The following SEC23IP variants were observed in gnomAD, a reference collection of about 807,000 sequenced individuals.
SEC23IP encodes SEC23-interacting protein.
A neutral mutation model predicts 113.4 loss-of-function variants in SEC23IP; 70 were observed. The ratio of observed to expected loss-of-function variants is 0.62; its 90% confidence interval spans 0.51 to 0.75. The LOEUF is 0.75. SEC23IP is among the 30% of genes least tolerant of loss of function. The pLI is 0.00. For synonymous variants in SEC23IP, 398 were observed against 421.0 expected (o/e 0.95, Z 0.67); for missense variants, 1,160 against 1,204.9 (o/e 0.96, Z 0.55).
Position 119,917,379 on chromosome 10 carries a change from AT to A in SEC23IP, c.1545-440del, listed in dbSNP as rs199693190. On this transcript the variant is annotated intron_variant, in intron 8 of 18. Transcript: ENST00000369075. ...GACTTGTGGCTAACTTTTGATTTAA[AT>A]TTTTTTTTTTTTTTTTGAGGTGGAA... Among the ~76,000 whole-genome samples, 1,294 of 139,638 alleles carry A rather than the reference AT, an allele frequency of 9.3e-3. 28 individuals are homozygous for A. In the East Asian group the frequency reaches 0.11, roughly 12 times the overall value. 91.6% of individuals were successfully genotyped at this position (139,638 alleles called of 152,430 possible). A position where few individuals can be genotyped will look rare whatever the true frequency, so the allele number is the denominator to read the frequency against.
At chr10:119,894,257 A>G (rs1028945025) in intron 1 of SEC23IP, among the ~76,000 whole-genome samples, 9 of 152,174 alleles carry the variant, frequency 5.9e-5, no homozygotes, top group Non-Finnish European at 1.3e-4. Flanking sequence ...CCAGGATCTT[A>G]TTTAGGGCCT....
intron 4 of SEC23IP, among the ~76,000 whole-genome samples, chr10:119,905,136 G>GAA (rs66718927): frequency 7.1e-6 from 1 of 140,330 alleles, no homozygotes; most frequent in Admixed American, 7.1e-5. Flanking sequence ...CCCTTCCTCA[G>GAA]AAAAAAAAAA....
chr10:119,904,282 G>A lies in SEC23IP; in HGVS notation c.1101+5G>A. On this transcript the variant is annotated splice_donor_5th_base_variant and intron_variant, in intron 4 of 18. Transcript: ENST00000369075. ...GAGTTCAGTGAAAAACTAGAGGTAC[G>A]GGTGCTTTATTTCTTTATGAGTTTC... 5 of 1,613,198 alleles carry A rather than the reference G, an allele frequency of 3.1e-6. No individual in the cohort carries two copies. Among genetic ancestry groups the A allele is most frequent in the Non-Finnish European group, 4.2e-6 (5 of 1,179,220 alleles).
chr10:119,910,975 A>G (rs2475299), intron 5 of SEC23IP, among the ~76,000 whole-genome samples: 107,855 of 150,684 alleles, frequency 0.72, 38,783 homozygotes, highest in East Asian at 0.82. Context: ...GTGAGCCAAC[A>G]CGCTTGGCTA....
At chr10:119,928,794 C>A (rs1339498107) in intron 13 of SEC23IP, among the ~76,000 whole-genome samples, 1 of 152,222 alleles carries the variant, frequency 6.6e-6, no homozygotes, top group African/African-American at 2.4e-5. Flanking sequence ...GTAAGCTACT[C>A]AAAATGTGCT....
At chr10:119,924,726 T>C (rs1234432519) in intron 12 of SEC23IP, among the ~76,000 whole-genome samples, 1 of 151,804 alleles carries the variant, frequency 6.6e-6, no homozygotes, top group African/African-American at 2.4e-5. Flanking sequence ...ATAACACCTT[T>C]TATATAGATG....
intron 8 of SEC23IP, among the ~76,000 whole-genome samples, chr10:119,917,097 G>C (rs903215010): frequency 6.6e-6 from 1 of 152,118 alleles, no homozygotes; most frequent in Non-Finnish European, 1.5e-5. Flanking sequence ...TTGATCTCCC[G>C]GGCTCAAGCG....
chr10:119,941,742 G>T lies in SEC23IP; in HGVS notation c.*1177G>T, dbSNP rs1254742373. Reference sequence around the variant, plus strand: ...TGCATTTTTTAAGCAGCAAACTTATGTATTTCTCTTGTCTTCCTTAAAAGT... The same window carrying T: ...TGCATTTTTTAAGCAGCAAACTTATTTATTTCTCTTGTCTTCCTTAAAAGT... On this transcript the variant is annotated 3_prime_UTR_variant, in exon 19 of 19. Transcript: ENST00000369075. 1 of 152,636 alleles carries T rather than the reference G, an allele frequency of 6.6e-6. No individual in the cohort carries two copies. 9.5% of individuals were successfully genotyped at this position (152,636 alleles called of 1,614,324 possible).
In SEC23IP at chr10:119,912,067, C is replaced by T; in HGVS notation, c.1215C>T (p.Ser405=). ...NPKVIVQFQP[S]SVPDEWGTTQ... ...AGGTTATTGTTCAGTTCCAGCCCTCCTCAGTGCCAGATGAATGGGGCACCA... is the reference window on the plus strand; with the variant it reads ...AGGTTATTGTTCAGTTCCAGCCCTCTTCAGTGCCAGATGAATGGGGCACCA... Residue 405 remains serine (S), a synonymous_variant, in exon 6 of 19, where the codon TCC becomes TCT. Coordinates refer to ENST00000369075, the MANE Select transcript of SEC23IP (RefSeq NM_007190.4). 6.2e-7 allele frequency: 1 copy of T among 1,614,074 alleles called. No homozygotes were observed. The highest frequency in any genetic ancestry group is 2.2e-5 in the East Asian group (1 of 44,878).
chr10:119,917,209 T>G (rs1216916933), intron 8 of SEC23IP, among the ~76,000 whole-genome samples: 1 of 150,740 alleles, frequency 6.6e-6, no homozygotes, highest in Non-Finnish European at 1.5e-5. Flanking sequence ...TACTTTTAAT[T>G]TTTTTTTTGA....
intron 8 of SEC23IP, 76 bp downstream of exon 8, chr10:119,915,965 T>C (rs1343108263): frequency 1.6e-6 from 2 of 1,212,766 alleles, no homozygotes; most frequent in African/African-American, 3.1e-5. Flanking sequence ...TATGAAATAG[T>C]TTATTGTAGC....
Position 119,942,024 on chromosome 10 carries a change from C to T in SEC23IP, c.*1459C>T, listed in dbSNP as rs1018886585. 1 of 152,172 alleles carries T rather than the reference C, an allele frequency of 6.6e-6. No individual in the cohort carries two copies. Among genetic ancestry groups the T allele is most frequent in the Non-Finnish European group, 1.5e-5 (1 of 68,034 alleles). The allele number at this position is 152,172 out of a possible 1,614,324, so 9.4% of individuals were successfully genotyped here. A position where few individuals can be genotyped will look rare whatever the true frequency, so the allele number is the denominator to read the frequency against. ...CTTGATTCCCTTTCAGCCTTCATTT[C>T]TCTCTCTCAGGACTACTACTTTTTA... On this transcript the variant is annotated 3_prime_UTR_variant, in exon 19 of 19. Transcript: ENST00000369075.
intron 8 of SEC23IP, among the ~76,000 whole-genome samples, chr10:119,916,093 A>G (rs1855044102): frequency 6.6e-6 from 1 of 152,210 alleles, no homozygotes; most frequent in Non-Finnish European, 1.5e-5. Flanking sequence ...AATATTTAAG[A>G]GAATCTTAAG....
chr10:119,904,848 T>A lies in SEC23IP; in HGVS notation c.1101+571T>A, dbSNP rs568768806. On this transcript the variant is annotated intron_variant, in intron 4 of 18. Transcript: ENST00000369075. ...GAGATACAGAACATTTTAGTTAACT[T>A]CTGGCTGGGTGTGGTGGCTCGTGCC... Among the ~76,000 whole-genome samples the A allele has an allele frequency of 1.3e-4, 20 of 152,230 alleles. No individual in the cohort carries two copies. The South Asian group carries it at 3.3e-3, about 25-fold the overall frequency.
At position 119,912,145 on chromosome 10, in the gene SEC23IP, C is replaced by T. The variant is rs1854885392; in HGVS notation, c.1293C>T (p.Asn431=). The change falls in exon 6 of 19, where the codon AAC becomes AAT. Residue 431 remains asparagine, a synonymous_variant. Coordinates refer to ENST00000369075, the MANE Select transcript of SEC23IP (RefSeq NM_007190.4). ...PRVVKRGIDD[N]LDEIPDGEMP... is the part of the protein sequence containing the mutation. ...TTGTAAAGCGTGGAATTGATGATAA[C>T]CTTGATGAAATTCCCGACGGTGTGT... is the stretch of plus-strand genomic sequence containing the variant. The T allele has an allele frequency of 6.2e-7, 1 of 1,613,970 alleles. No individual in the cohort carries two copies. The highest frequency in any genetic ancestry group is 8.5e-7 in the Non-Finnish European group (1 of 1,179,936).
rs769675341 is a variant in SEC23IP, at chr10:119,915,832, A to G, written c.1487A>G (p.Glu496Gly). 3 of 1,601,386 alleles carry G rather than the reference A, an allele frequency of 1.9e-6. No homozygotes were observed. ...GATGACGGGAAAGTAAGCAGAGTGG[A>G]GTTCCTTCCAGTTCATTGGCATAGT... is the stretch of plus-strand genomic sequence containing the variant. ...SLDDGKVSRV[E>G]FLPVHWHSSL... Residue 496 changes from glutamate to glycine, a missense_variant, in exon 8 of 19, where the codon GAG (glutamate) becomes GGG (glycine). Physicochemically the swap from Glu to Gly is moderately conservative, Grantham distance 98. Coordinates refer to ENST00000369075, the MANE Select transcript of SEC23IP (RefSeq NM_007190.4).
chr10:119,910,861 T>A (rs1246630962), intron 5 of SEC23IP, among the ~76,000 whole-genome samples: 1 of 152,032 alleles, frequency 6.6e-6, no homozygotes, highest in Non-Finnish European at 1.5e-5. Context: ...TTAAGACTTT[T>A]TTTTGCAGAG....
In SEC23IP at chr10:119,913,621, A is replaced by G. The variant is rs140833919; in HGVS notation, c.1313-1109A>G. Among the ~76,000 whole-genome samples, 1,061 of 151,566 alleles carry G rather than the reference A, an allele frequency of 7.0e-3. 7 individuals carry two copies. Among genetic ancestry groups the G allele is most frequent in the Middle Eastern group, 0.027 (8 of 294 alleles). On this transcript the variant is annotated intron_variant, in intron 6 of 18. Coordinates refer to ENST00000369075, the MANE Select transcript of SEC23IP (RefSeq NM_007190.4). ...ATTCTTGTGTCTCAGCCTCCCGAGT[A>G]GCTGGGATTACAGGCGCCCACCACC...
Position 119,914,739 on chromosome 10 carries a change from C to T in SEC23IP, c.1322C>T (p.Pro441Leu), listed in dbSNP as rs1483208564. 5.6e-6 allele frequency: 9 copies of T among 1,614,018 alleles called. No individual in the cohort carries two copies. Among genetic ancestry groups the T allele is most frequent in the African/African-American group, 1.3e-5 (1 of 75,018 alleles). Residue 441 changes from proline to leucine, a missense_variant, in exon 7 of 19, where the codon CCT becomes CTT. Pro to Leu is a moderately conservative substitution (Grantham distance 98, BLOSUM62 -3). Transcript: ENST00000369075. ...NLDEIPDGEM[P>L]QVDHLVFVVH... The stretch of plus-strand genomic sequence containing the variant: ...AAATTTTTTTTGATAGGGGAGATGC[C>T]TCAAGTTGACCATTTGGTGTTTGTG...
Sources: gnomAD v4.1 joint callset for allele counts (sites outside exome capture counted in the v4.1 genomes callset) on GRCh38, gnomAD v4.1.1 for gene constraint, MANE v1.5 for transcripts, NCBI Gene and HGNC (gene_info 2026-07-23, HGNC 2026-07-21) for gene names.